The following TNRC6A variants were observed in gnomAD, a reference collection of about 807,000 sequenced individuals.
TNRC6A encodes the protein trinucleotide repeat-containing gene 6A protein.
Under a neutral mutation model 221.2 loss-of-function variants are expected in TNRC6A, and 44 were observed. The observed-to-expected ratio is 0.20, with a 90% confidence interval of 0.16 to 0.26. TNRC6A has a LOEUF of 0.26. Among genes scored for constraint, TNRC6A ranks in the 10% least tolerant of loss-of-function variants. The pLI is 1.00. For synonymous variants in TNRC6A, 847 were observed against 838.5 expected (o/e 1.01, Z -0.18); for missense variants, 2,199 against 2,404.4 (o/e 0.91, Z 1.79).
At chr16:24,721,773 A>G (rs895765437) in intron 2 of TNRC6A, among the ~76,000 whole-genome samples, 2 of 152,176 alleles carry the variant, frequency 1.3e-5, no homozygotes, top group Admixed American at 6.5e-5. Flanking sequence ...AGGATGAGTA[A>G]ACAAACTGTG....
At chr16:24,673,285 AAAGT>A (rs2055343818) in intron 2 of TNRC6A, among the ~76,000 whole-genome samples, 2 of 152,240 alleles carry the variant, frequency 1.3e-5, no homozygotes, top group African/African-American at 2.4e-5. Flanking sequence ...GGTAAGTAGA[AAAGT>A]AAGTAACTTG....
At chr16:24,684,609 C>A (rs1046485243) in intron 2 of TNRC6A, among the ~76,000 whole-genome samples, 1 of 151,936 alleles carries the variant, frequency 6.6e-6, no homozygotes, top group Non-Finnish European at 1.5e-5. Flanking sequence ...AGTGCAAGAC[C>A]AACCTGGGCA....
intron 18 of TNRC6A, among the ~76,000 whole-genome samples, chr16:24,814,345 A>G (rs1443251176): frequency 6.7e-6 from 1 of 149,886 alleles, no homozygotes; most frequent in Non-Finnish European, 1.5e-5. Context: ...TGAATGGAGG[A>G]GACTTGGTTT....
intron 2 of TNRC6A, among the ~76,000 whole-genome samples, chr16:24,672,388 A>G (rs977367038): frequency 2.0e-5 from 3 of 151,916 alleles, no homozygotes; most frequent in Non-Finnish European, 4.4e-5. Context: ...TCGGCCTCCC[A>G]AAGTGCTGGG....
At chr16:24,710,225 CAAA>C (rs57375431) in intron 2 of TNRC6A, among the ~76,000 whole-genome samples, 73 of 129,524 alleles carry the variant, frequency 5.6e-4, no homozygotes, top group East Asian at 2.7e-3. Context: ...AACTTCATCT[CAAA>C]AAAAAAAAAA....
chr16:24,777,706 C>T (rs879342645), intron 5 of TNRC6A, among the ~76,000 whole-genome samples: 3 of 152,158 alleles, frequency 2.0e-5, no homozygotes, highest in South Asian at 2.1e-4. Context: ...TCTTCAACAA[C>T]GTTGTGAGAC....
At position 24,729,853 on chromosome 16, in the gene TNRC6A, G is replaced by A; in HGVS notation, c.5+7G>A. On this transcript the variant is annotated splice_region_variant and intron_variant, in intron 1 of 24. Transcript: ENST00000395799. Reference sequence around the variant, plus strand: ...TGCACTTTACACACATGAGGTGAGCGGAACAAGGGCCTCCCTCCGGGCGGG... The same window carrying A: ...TGCACTTTACACACATGAGGTGAGCAGAACAAGGGCCTCCCTCCGGGCGGG... 1.5e-6 allele frequency: 2 copies of A among 1,311,510 alleles called. No individual in the cohort carries two copies. Among genetic ancestry groups the A allele is most frequent in the African/African-American group, 3.1e-5 (2 of 64,884 alleles). The allele number at this position is 1,311,510 out of a possible 1,614,324, so 81.2% of individuals were successfully genotyped here.
chr16:24,790,943 A>G lies in TNRC6A; in HGVS notation c.2301A>G (p.Ile767Met), dbSNP rs150789372. ...ATQTFNSGACIDKTSPNGNDT... is the reference protein window; with the variant it reads ...ATQTFNSGACMDKTSPNGNDT... ...AGACTTTTAACTCAGGGGCATGTAT[A>G]GATAAGACTAGCCCTAATGGTAATG... is the stretch of plus-strand genomic sequence containing the variant. Residue 767 changes from isoleucine to methionine, a missense_variant, in exon 6 of 25, where the codon ATA becomes ATG. This residue lies in a region of TNRC6A where 1,405 missense variants were observed against 1,400.2 expected (regional missense o/e 1.00). Transcript: ENST00000395799. 2.4e-5 allele frequency: 38 copies of G among 1,613,190 alleles called. No individual in the cohort carries two copies. The highest frequency in any genetic ancestry group is 4.0e-5 in the African/African-American group (3 of 74,912).
intron 4 of TNRC6A, among the ~76,000 whole-genome samples, chr16:24,762,543 A>G (rs781197868): frequency 6.6e-5 from 10 of 152,188 alleles, no homozygotes; most frequent in Non-Finnish European, 1.3e-4. Flanking sequence ...GAATTTTGGA[A>G]ATCTTTGGGA....
intron 2 of TNRC6A, among the ~76,000 whole-genome samples, chr16:24,719,714 G>A (rs944508313): frequency 2.6e-5 from 4 of 151,820 alleles, no homozygotes; most frequent in African/African-American, 4.8e-5. Flanking sequence ...GGTAGTGTCC[G>A]TCTGTAGTCC....
At chr16:24,691,372 T>G (rs566537821) in intron 2 of TNRC6A, among the ~76,000 whole-genome samples, 5 of 152,028 alleles carry the variant, frequency 3.3e-5, no homozygotes, top group Non-Finnish European at 7.4e-5. Flanking sequence ...CATGAGCCAC[T>G]GCGCCCAACC....
At chr16:24,785,354 A>C (rs1184772408) in intron 5 of TNRC6A, among the ~76,000 whole-genome samples, 1 of 152,240 alleles carries the variant, frequency 6.6e-6, no homozygotes, top group African/African-American at 2.4e-5. Context: ...TTACACCTTC[A>C]TATCCAGGAA....
intron 20 of TNRC6A, among the ~76,000 whole-genome samples, chr16:24,818,242 G>A (rs979760291): frequency 6.6e-6 from 1 of 152,154 alleles, no homozygotes; most frequent in East Asian, 1.9e-4. Flanking sequence ...GAGCTCAGGG[G>A]CGAGTTAGCA....
chr16:24,749,887 C>T (rs2057097490), intron 2 of TNRC6A, among the ~76,000 whole-genome samples: 2 of 152,146 alleles, frequency 1.3e-5, no homozygotes, highest in Non-Finnish European at 2.9e-5. Flanking sequence ...CACCTGTAAT[C>T]CCAACACTTT....
intron 3 of TNRC6A, among the ~76,000 whole-genome samples, chr16:24,753,405 G>C (rs2057179893): frequency 6.6e-6 from 1 of 152,176 alleles, no homozygotes; most frequent in Non-Finnish European, 1.5e-5. Flanking sequence ...ATAAAGGAAG[G>C]TTTAATACCT....
At chr16:24,761,318 T>TA (rs2057357447) in intron 4 of TNRC6A, among the ~76,000 whole-genome samples, 1 of 152,226 alleles carries the variant, frequency 6.6e-6, no homozygotes, top group Non-Finnish European at 1.5e-5. Flanking sequence ...TTTGAATATT[T>TA]AAAAAATCTT....
At chr16:24,612,349 G>A (rs1347828380) in intron 1 of TNRC6A, among the ~76,000 whole-genome samples, 1 of 152,130 alleles carries the variant, frequency 6.6e-6, no homozygotes, top group African/African-American at 2.4e-5. Context: ...AGCTCATTAG[G>A]TCACTTGCTT....
Position 24,822,165 on chromosome 16 carries a change from G to T in TNRC6A, c.5373+18G>T, listed in dbSNP as rs767057617. On this transcript the variant is annotated intron_variant, in intron 23 of 24. Transcript: ENST00000395799. ...CACCTCAGGTAAGGATACCAGATAC[G>T]CTGGTTTATGTGGCTACGCCAGGGA... 6.2e-7 allele frequency: 1 copy of T among 1,611,884 alleles called. No individual in the cohort carries two copies. The highest frequency in any genetic ancestry group is 2.2e-5 in the East Asian group (1 of 44,870).
At chr16:24,695,391 C>CAT (rs1248426774) in intron 2 of TNRC6A, among the ~76,000 whole-genome samples, 5 of 152,018 alleles carry the variant, frequency 3.3e-5, no homozygotes, top group South Asian at 2.1e-4. Flanking sequence ...ACTTTTTATA[C>CAT]ATATATATAT....
Sources: allele counts gnomAD v4.1 joint callset (sites outside exome capture counted in the v4.1 genomes callset), GRCh38; gene constraint gnomAD v4.1.1; regional missense constraint gnomAD v4.1.1; transcripts MANE v1.5; gene names NCBI Gene and HGNC (gene_info 2026-07-23, HGNC 2026-07-21).